ASIC2: variants seen among roughly 807,000 people sequenced by gnomAD.
The protein encoded by ASIC2 is acid sensing ion channel subunit 2.
ASIC2 carries 25 observed loss-of-function variants against 57.3 expected under a neutral mutation model. The observed-to-expected ratio is 0.44, with a 90% CI of 0.32 to 0.61. ASIC2 has a LOEUF of 0.61. ASIC2 is among the 20% of genes least tolerant of loss of function. ASIC2 has a pLI of 0.06. For missense variants in ASIC2, 641 were observed against 738.1 expected (o/e 0.87, Z 1.52); for synonymous variants, 319 against 307.5 (o/e 1.04, Z -0.39).
chr17:33,930,532 C>T (rs924661084), intron 1 of ASIC2, among the ~76,000 whole-genome samples: 1 of 152,218 alleles, frequency 6.6e-6, no homozygotes, highest in Non-Finnish European at 1.5e-5. Flanking sequence ...CCCACCATCC[C>T]ACCATCGCTG....
At chr17:33,632,755 C>T (rs1906215596) in intron 1 of ASIC2, among the ~76,000 whole-genome samples, 2 of 152,180 alleles carry the variant, frequency 1.3e-5, no homozygotes, top group Non-Finnish European at 2.9e-5. Context: ...GAAACTCCCT[C>T]TGCACCTTTT....
chr17:33,844,829 T>C (rs1411429030), intron 1 of ASIC2, among the ~76,000 whole-genome samples: 2 of 152,190 alleles, frequency 1.3e-5, no homozygotes, highest in Non-Finnish European at 1.5e-5. Context: ...ATGTGCTAGA[T>C]AGTCTCATAA....
At chr17:33,613,570 T>C (rs915676382) in intron 1 of ASIC2, among the ~76,000 whole-genome samples, 4 of 152,050 alleles carry the variant, frequency 2.6e-5, no homozygotes, top group African/African-American at 9.7e-5. Context: ...GTTTTCACCG[T>C]GTTAGCCAGG....
intron 2 of ASIC2, among the ~76,000 whole-genome samples, chr17:33,108,374 G>A (rs747443749): frequency 6.6e-6 from 1 of 152,192 alleles, no homozygotes; most frequent in Non-Finnish European, 1.5e-5. Flanking sequence ...ATTGAGAGGT[G>A]GGAATGTTAA....
intron 1 of ASIC2, among the ~76,000 whole-genome samples, chr17:33,564,269 A>T (rs1166912234): frequency 6.6e-6 from 1 of 152,246 alleles, no homozygotes; most frequent in East Asian, 1.9e-4. Flanking sequence ...AGATTTTTAA[A>T]GAAAACCTCA....
chr17:34,023,215 GT>G (rs1420241895), intron 1 of ASIC2, among the ~76,000 whole-genome samples: 1 of 152,000 alleles, frequency 6.6e-6, no homozygotes, highest in Non-Finnish European at 1.5e-5. Context: ...TCATCCCAAA[GT>G]TTATCTCCTA....
At chr17:33,831,347 C>T (rs1913103887) in intron 1 of ASIC2, among the ~76,000 whole-genome samples, 1 of 151,800 alleles carries the variant, frequency 6.6e-6, no homozygotes, top group Non-Finnish European at 1.5e-5. Context: ...CCTAATGATC[C>T]CTCCCGGATC....
intron 1 of ASIC2, chr17:33,954,889 TAAG>T (rs2141987649): frequency 6.6e-6 from 1 of 152,320 alleles, no homozygotes; most frequent in Non-Finnish European, 1.5e-5. Context: ...ATATGTTCCT[TAAG>T]AAGATGTTCA....
intron 1 of ASIC2, among the ~76,000 whole-genome samples, chr17:33,258,409 A>G (rs368429901): frequency 2.0e-5 from 3 of 152,226 alleles, no homozygotes; most frequent in Admixed American, 2.0e-4. Flanking sequence ...AGGGTAAGGG[A>G]CAGAGAAGGA....
At chr17:33,703,042 G>A (rs1170414920) in intron 1 of ASIC2, among the ~76,000 whole-genome samples, 1 of 152,154 alleles carries the variant, frequency 6.6e-6, no homozygotes, top group Non-Finnish European at 1.5e-5. Context: ...CACTGGGATG[G>A]TTACTTTAAG....
At chr17:34,006,453 G>A (rs1906527434) in intron 1 of ASIC2, 1 of 152,152 alleles carries the variant, frequency 6.6e-6, no homozygotes, top group African/African-American at 2.4e-5. Flanking sequence ...GTTTTAAGCT[G>A]GGAAGTGACA....
intron 1 of ASIC2, among the ~76,000 whole-genome samples, chr17:34,131,165 A>G (rs1032097653): frequency 5.3e-5 from 8 of 152,076 alleles, no homozygotes; most frequent in African/African-American, 1.9e-4. Context: ...GCTTTGCACC[A>G]TGAAGAATTG....
chr17:33,144,935 A>T (rs531023580), intron 1 of ASIC2, among the ~76,000 whole-genome samples: 36 of 152,332 alleles, frequency 2.4e-4, no homozygotes, highest in Non-Finnish European at 3.8e-4. Flanking sequence ...AAGCTCCATG[A>T]CAATCAAGGT....
chr17:33,978,215 G>C (rs1331535869), intron 1 of ASIC2, among the ~76,000 whole-genome samples: 2 of 152,148 alleles, frequency 1.3e-5, no homozygotes, highest in African/African-American at 4.8e-5. Flanking sequence ...TCACACTCAG[G>C]CCCTAGCTGC....
chr17:33,855,830 A>G (rs1913912880), intron 1 of ASIC2, among the ~76,000 whole-genome samples: 1 of 152,152 alleles, frequency 6.6e-6, no homozygotes, highest in Non-Finnish European at 1.5e-5. Flanking sequence ...AACTCTACCA[A>G]CTTCTCATGA....
chr17:33,083,210 G>A (rs193221145), intron 3 of ASIC2, among the ~76,000 whole-genome samples: 116 of 152,188 alleles, frequency 7.6e-4, no homozygotes, highest in Admixed American at 1.2e-3. Flanking sequence ...AAGGCACTGG[G>A]GCCACAGAAT....
rs538344132 is a variant in ASIC2 at position 33,320,712 on chromosome 17, C to T, written c.556-208645G>A. ...ATGATGTGTCTGTTCTCTATTGGAG[C>T]TACAAACACCCATCTTCTCTCTCCT... is the stretch of plus-strand genomic sequence containing the variant. On this transcript the variant is annotated intron_variant, in intron 1 of 9. Coordinates refer to the ASIC2 transcript ENST00000359872. Among the ~76,000 whole-genome samples the T allele has an allele frequency of 1.2e-4, 18 of 152,280 alleles. No homozygotes were observed. In the South Asian group the frequency reaches 2.3e-3, roughly 19 times the overall value.
chr17:33,604,283 T>C (rs1905174723), intron 1 of ASIC2, among the ~76,000 whole-genome samples: 1 of 152,210 alleles, frequency 6.6e-6, no homozygotes, highest in Admixed American at 6.5e-5. Flanking sequence ...GGCTTCCTCC[T>C]ATAGGAACTT....
At chr17:33,500,649 G>A (rs1332916422) in intron 1 of ASIC2, among the ~76,000 whole-genome samples, 4 of 152,216 alleles carry the variant, frequency 2.6e-5, no homozygotes, top group South Asian at 2.1e-4. Context: ...AACATATTGT[G>A]TATGTTGAGG....
Sources: gnomAD v4.1 joint callset for allele counts (sites outside exome capture counted in the v4.1 genomes callset) on GRCh38, gnomAD v4.1.1 for gene constraint, MANE v1.5 for transcripts, NCBI Gene and HGNC (gene_info 2026-07-23, HGNC 2026-07-21) for gene names.